SYT10: variants seen among roughly 807,000 people sequenced by gnomAD.
SYT10 encodes the protein synaptotagmin-10.
SYT10 carries 31 observed loss-of-function variants against 51.1 expected under a neutral mutation model. The observed-to-expected ratio is 0.61, with a 90% CI of 0.46 to 0.82. The LOEUF is 0.82. Ranked by LOEUF, SYT10 falls within the 40% of genes least tolerant of loss-of-function variation. SYT10 has a pLI of 0.00. For missense variants in SYT10, 603 were observed against 634.0 expected, an observed-to-expected ratio of 0.95 and a Z score of 0.53; for synonymous variants, 233 against 225.9, an observed-to-expected ratio of 1.03 and a Z score of -0.28.
At chr12:33,434,598 G>C (rs890552288) in intron 1 of SYT10, among the ~76,000 whole-genome samples, 148 of 152,188 alleles carry the variant, frequency 9.7e-4, no homozygotes, top group African/African-American at 3.4e-3. Flanking sequence ...GAGGTCGGGA[G>C]TTGGAGACCA....
In SYT10 at chr12:33,407,930, T is replaced by C. The variant is rs189824261; in HGVS notation, c.510-574A>G. On this transcript the variant is annotated intron_variant, in intron 2 of 6. Transcript: ENST00000228567. ...TGGCTGGCCAATGTTAATTTTCATATGCTTTTGAAATTTTGTACTCTCAAT... is the reference window on the plus strand; with the variant it reads ...TGGCTGGCCAATGTTAATTTTCATACGCTTTTGAAATTTTGTACTCTCAAT... 3.3e-5 allele frequency: 5 copies of C among 152,302 alleles called. No individual in the cohort carries two copies. The East Asian group carries it at 9.6e-4, about 29-fold the overall frequency. 9.4% of individuals were successfully genotyped at this position (152,302 alleles called of 1,614,324 possible). A position where few individuals can be genotyped will look rare whatever the true frequency, so the allele number is the denominator to read the frequency against.
intron 1 of SYT10, among the ~76,000 whole-genome samples, chr12:33,436,402 G>A (rs893372828): frequency 7.2e-5 from 11 of 152,144 alleles, no homozygotes; most frequent in African/African-American, 2.2e-4. Flanking sequence ...AAAAGTGCAC[G>A]TGGTGAACTT....
rs753443614 is a variant in SYT10, at chr12:33,407,192, T to C, written c.674A>G (p.Gln225Arg). The stretch of plus-strand genomic sequence containing the variant: ...CCCACAGATTTTGACATCTTCGTTT[T>C]GGTTGCCCTCAGAGTCAACTGATTT... ...KQKSVDSEGN[Q>R]NEDVKICGKL... is the part of the protein sequence containing the mutation. The change falls in exon 3 of 7, where the codon CAA (glutamine) becomes CGA (arginine). Residue 225 changes from glutamine to arginine, a missense_variant. By Grantham distance (43) the Gln-to-Arg change is conservative. Transcript: ENST00000228567. The C allele has an allele frequency of 4.3e-6, 7 of 1,614,226 alleles. No individual in the cohort carries two copies.
intron 2 of SYT10, among the ~76,000 whole-genome samples, chr12:33,420,008 C>T (rs780686489): frequency 1.3e-5 from 2 of 152,090 alleles, no homozygotes; most frequent in Non-Finnish European, 2.9e-5. Flanking sequence ...TTATACCTTC[C>T]CCTTACTTTG....
chr12:33,401,900 C>T (rs1170810108), intron 3 of SYT10, among the ~76,000 whole-genome samples: 2 of 152,174 alleles, frequency 1.3e-5, no homozygotes, highest in African/African-American at 4.8e-5. Flanking sequence ...AAGAGATATA[C>T]AAGATGATTT....
At chr12:33,417,223 C>A (rs1340130731) in intron 2 of SYT10, among the ~76,000 whole-genome samples, 1 of 152,044 alleles carries the variant, frequency 6.6e-6, no homozygotes, top group African/African-American at 2.4e-5. Context: ...ATGACTAGGG[C>A]ATAAGGGCTC....
chr12:33,377,027 T>C (rs1866068922), intron 6 of SYT10, 126 bp from the exon 7 acceptor site: 1 of 968,300 alleles, frequency 1.0e-6, no homozygotes, highest in African/African-American at 1.6e-5. Flanking sequence ...AGGAAATACA[T>C]AACTCCCTTT....
chr12:33,389,547 G>A (rs770910926), intron 3 of SYT10, among the ~76,000 whole-genome samples: 1 of 152,152 alleles, frequency 6.6e-6, no homozygotes, highest in Non-Finnish European at 1.5e-5. Context: ...AAGAGAAAGA[G>A]GCCATTGAAG....
chr12:33,437,430 T>G (rs1057381937), intron 1 of SYT10, among the ~76,000 whole-genome samples: 6 of 152,236 alleles, frequency 3.9e-5, no homozygotes, highest in African/African-American at 1.4e-4. Flanking sequence ...AACTGAGAAC[T>G]ATTTCTATAA....
intron 2 of SYT10, among the ~76,000 whole-genome samples, chr12:33,420,338 A>T (rs1866491379): frequency 6.6e-6 from 1 of 152,122 alleles, no homozygotes; most frequent in South Asian, 2.1e-4. Flanking sequence ...AAAATAATTT[A>T]CCCTAAGATT....
rs538131050 is a variant in SYT10, at chr12:33,412,798, C to A, written c.510-5442G>T. The stretch of plus-strand genomic sequence containing the variant: ...GCACCTCTCCCGCTCCAAAGGAATG[C>A]AGCTCCTCGCCAGCAGCAGAACAAA... On this transcript the variant is annotated intron_variant, in intron 2 of 6. Transcript: ENST00000228567. 3.9e-5 allele frequency among the ~76,000 whole-genome samples: 6 copies of A among 152,276 alleles called. No homozygotes were observed. The South Asian group carries it at 1.2e-3, about 32-fold the overall frequency.
intron 2 of SYT10, among the ~76,000 whole-genome samples, chr12:33,419,929 A>G (rs916694965): frequency 1.2e-4 from 19 of 152,198 alleles, no homozygotes; most frequent in African/African-American, 4.3e-4. Context: ...ATTTTTTAGT[A>G]TTACTTGATT....
chr12:33,407,443 C>T lies in SYT10; in HGVS notation c.510-87G>A, dbSNP rs1479348606. The T allele has an allele frequency of 1.0e-5, 14 of 1,374,978 alleles. No homozygotes were observed. The South Asian group carries it at 1.5e-4, about 15-fold the overall frequency. The allele number at this position is 1,374,978 out of a possible 1,614,324, so 85.2% of individuals were successfully genotyped here. A position where few individuals can be genotyped will look rare whatever the true frequency, so the allele number is the denominator to read the frequency against. The stretch of plus-strand genomic sequence containing the variant: ...CAGTGACATATAAACTCTTCCCCAC[C>T]CCCAGAATAGTGAAAAGATATCTAT... On this transcript the variant is annotated intron_variant, in intron 2 of 6. Coordinates refer to ENST00000228567, the MANE Select transcript of SYT10 (RefSeq NM_198992.4).
In SYT10 at chr12:33,439,620, C is replaced by T. The variant is rs1441868941; in HGVS notation, c.-98G>A. ...CTCTGGCGCCCTAAGCCATAGTCCG[C>T]CCGCGGTGACTTTGGCTGGAGATTG... On this transcript the variant is annotated 5_prime_UTR_variant, in exon 1 of 7. Coordinates refer to ENST00000228567, the MANE Select transcript of SYT10 (RefSeq NM_198992.4). 1.4e-6 allele frequency: 2 copies of T among 1,428,510 alleles called. No individual in the cohort carries two copies. The highest frequency in any genetic ancestry group is 1.9e-6 in the Non-Finnish European group (2 of 1,064,532). 88.5% of individuals were successfully genotyped at this position (1,428,510 alleles called of 1,614,324 possible).
chr12:33,439,485 C>G lies in SYT10; in HGVS notation c.38G>C (p.Cys13Ser), dbSNP rs767105835. ...FHKEDGVNSL[C>S]QKALHIVTEL... is the part of the protein sequence containing the mutation. ...GGTGACGATGTGCAGAGCCTTCTGG[C>G]ACAGACTGTTCACTCCGTCCTCCTT... Residue 13 changes from cysteine to serine, a missense_variant, in exon 1 of 7, where the codon TGC becomes TCC. Cys to Ser is a moderately radical substitution (Grantham distance 112). Coordinates refer to ENST00000228567, the MANE Select transcript of SYT10 (RefSeq NM_198992.4). The G allele has an allele frequency of 1.4e-5, 22 of 1,614,090 alleles. No homozygotes were observed.
At chr12:33,404,055 A>G (rs1252730520) in intron 3 of SYT10, among the ~76,000 whole-genome samples, 1 of 152,246 alleles carries the variant, frequency 6.6e-6, no homozygotes, top group African/African-American at 2.4e-5. Flanking sequence ...TTCTTTTTAT[A>G]TTCAGAATTC....
At chr12:33,420,039 T>C (rs866294063) in intron 2 of SYT10, among the ~76,000 whole-genome samples, 1 of 152,204 alleles carries the variant, frequency 6.6e-6, no homozygotes, top group Non-Finnish European at 1.5e-5. Context: ...CTGACTCTCA[T>C]GAGCTTACCT....
chr12:33,390,950 T>A (rs534950642), intron 3 of SYT10, among the ~76,000 whole-genome samples: 296 of 152,236 alleles, frequency 1.9e-3, no homozygotes, highest in Non-Finnish European at 3.0e-3. Context: ...TGTTGTTTTG[T>A]TTTTTTGAGA....
In SYT10 at chr12:33,406,915, A is replaced by G; in HGVS notation, c.951T>C (p.Ser317=). The part of the protein sequence containing the change: ...DQLSNRKLHF[S]VYDFDRFSRH... Reference sequence around the variant, plus strand: ...TAGAAAATCTGTCAAAATCATACACACTGAAATGTAGTTTTCGGTTGCTTA... The same window carrying G: ...TAGAAAATCTGTCAAAATCATACACGCTGAAATGTAGTTTTCGGTTGCTTA... The change falls in exon 3 of 7, where the codon AGT becomes AGC. Residue 317 remains serine, a synonymous_variant. Coordinates refer to ENST00000228567, the MANE Select transcript of SYT10 (RefSeq NM_198992.4). The G allele has an allele frequency of 6.2e-7, 1 of 1,614,032 alleles. No individual in the cohort carries two copies. The highest frequency in any genetic ancestry group is 8.5e-7 in the Non-Finnish European group (1 of 1,180,012).
Sources: gnomAD v4.1 joint callset for allele counts (sites outside exome capture counted in the v4.1 genomes callset) on GRCh38, gnomAD v4.1.1 for gene constraint, MANE v1.5 for transcripts, NCBI Gene and HGNC (gene_info 2026-07-23, HGNC 2026-07-21) for gene names.